Variants in KIF3A observed in about 807,000 individuals in gnomAD.
KIF3A encodes kinesin-like protein KIF3A.
A neutral mutation model predicts 92.6 loss-of-function variants in KIF3A; 27 were observed. The observed-to-expected ratio is 0.29, with a 90% CI of 0.21 to 0.40. KIF3A has a LOEUF of 0.40. KIF3A is among the 10% of genes least tolerant of loss of function. The pLI is 1.00. For missense variants in KIF3A, 581 were observed against 872.6 expected (o/e 0.67, Z 4.21); for synonymous variants, 250 against 275.4 (o/e 0.91, Z 0.92).
intron 15 of KIF3A, 103 bp from the exon 16 acceptor site, chr5:132,700,803 C>T (rs916576366): frequency 2.9e-6 from 2 of 690,500 alleles, no homozygotes; most frequent in Non-Finnish European, 2.5e-6. Context: ...ATAAAAGTCT[C>T]AAAACATTAT....
intron 8 of KIF3A, among the ~76,000 whole-genome samples, chr5:132,711,722 C>G (rs1161684264): frequency 6.6e-6 from 1 of 152,026 alleles, no homozygotes; most frequent in Non-Finnish European, 1.5e-5. Flanking sequence ...TCTTCTAAAA[C>G]AGCTTCCTGT....
chr5:132,689,461 A>G (rs1303893801), downstream of KIF3A: 1 of 152,226 alleles, frequency 6.6e-6, no homozygotes, highest in Non-Finnish European at 1.5e-5. Context: ...ATAAGACTAT[A>G]AGCAGGTCAT....
At chr5:132,706,319 T>TA in intron 11 of KIF3A, 132 bp downstream of exon 11, 1 of 537,626 alleles carries the variant, frequency 1.9e-6, no homozygotes, top group Non-Finnish European at 3.0e-6. Context: ...GAAAGATTGT[T>TA]AAAAATACAA....
chr5:132,709,194 T>C (rs1046917706), intron 9 of KIF3A, among the ~76,000 whole-genome samples: 7 of 152,220 alleles, frequency 4.6e-5, no homozygotes, highest in African/African-American at 1.4e-4. Flanking sequence ...AATTAGAAAG[T>C]GTACTGCTTT....
At chr5:132,721,016 A>C (rs1753805023) in intron 4 of KIF3A, among the ~76,000 whole-genome samples, 2 of 152,232 alleles carry the variant, frequency 1.3e-5, no homozygotes, top group Admixed American at 6.5e-5. Flanking sequence ...AAATTTCTTT[A>C]AATAAAAAGG....
At chr5:132,717,426 G>C (rs1406467090) in intron 5 of KIF3A, among the ~76,000 whole-genome samples, 3 of 152,032 alleles carry the variant, frequency 2.0e-5, no homozygotes, top group East Asian at 1.9e-4. Flanking sequence ...AGAGGTGGAG[G>C]TTGCAGTGAG....
At chr5:132,705,990 A>G (rs1475889151) in intron 11 of KIF3A, among the ~76,000 whole-genome samples, 1 of 152,126 alleles carries the variant, frequency 6.6e-6, no homozygotes, top group Non-Finnish European at 1.5e-5. Context: ...TTAATGCCAT[A>G]AACAGTATTT....
At chr5:132,710,880 G>A (rs1017852415) in intron 9 of KIF3A, 79 bp downstream of exon 9, 19 of 1,583,726 alleles carry the variant, frequency 1.2e-5, no homozygotes, top group South Asian at 4.6e-5. Context: ...AACAGATAAC[G>A]GCAAAATAAA....
chr5:132,691,757 C>T (rs999597521), downstream of KIF3A, among the ~76,000 whole-genome samples: 2 of 151,372 alleles, frequency 1.3e-5, no homozygotes, highest in Non-Finnish European at 2.9e-5. Context: ...ACAAAATTAG[C>T]CAGGCATGGT....
At position 132,708,753 on chromosome 5, in the gene KIF3A, G is replaced by C. The variant is rs531672251; in HGVS notation, c.1300+154C>G. Among the ~76,000 whole-genome samples the C allele has an allele frequency of 5.3e-5, 8 of 152,296 alleles. No individual in the cohort carries two copies. The East Asian group carries it at 1.3e-3, about 26-fold the overall frequency. ...TATGATTAACTGGAAGCAATGAAAG[G>C]GGGTGGAGGAATCATCACATGCTTT... On this transcript the variant is annotated intron_variant, in intron 10 of 18. Transcript: ENST00000403231.
chr5:132,734,535 G>A, intron 1 of KIF3A, 57 bp from the exon 2 acceptor site: 2 of 1,487,990 alleles, frequency 1.3e-6, no homozygotes, highest in Non-Finnish European at 1.8e-6. Flanking sequence ...ACCCTCATCA[G>A]ATTAAATTTA....
In KIF3A at chr5:132,717,055, A is replaced by T. The variant is rs1015863880; in HGVS notation, c.617-71T>A. The T allele has an allele frequency of 3.6e-6, 5 of 1,388,960 alleles. No homozygotes were observed. The African/African-American group carries it at 7.2e-5, about 20-fold the overall frequency. The allele number at this position is 1,388,960 out of a possible 1,614,324, so 86.0% of individuals were successfully genotyped here. ...CTTTAAAAATAATTAAACATCCTGA[A>T]CAGTTTAAAACACTTAATTTTATCA... On this transcript the variant is annotated intron_variant, in intron 5 of 18. Coordinates refer to ENST00000403231, the MANE Select transcript of KIF3A (RefSeq NM_001300791.2).
downstream of KIF3A, among the ~76,000 whole-genome samples, chr5:132,690,088 C>T (rs549206148): frequency 1.3e-3 from 192 of 152,240 alleles, 2 homozygotes; most frequent in African/African-American, 4.4e-3. Context: ...CATGGTGTTG[C>T]GTCTGTAGTA....
In KIF3A at chr5:132,734,198, C is replaced by G; in HGVS notation, c.280+7G>C. ...GGGAGTTTTTTAAAAAGTAAAGATT[C>G]ACTTACCATTGTAGCCTTCAAGTAC... On this transcript the variant is annotated splice_region_variant and intron_variant, in intron 2 of 18. Transcript: ENST00000403231. 2.5e-6 allele frequency: 4 copies of G among 1,599,066 alleles called. No individual in the cohort carries two copies. Among genetic ancestry groups the G allele is most frequent in the South Asian group, 1.1e-5 (1 of 88,600 alleles).
At chr5:132,705,416 C>T (rs1219339980) in intron 11 of KIF3A, among the ~76,000 whole-genome samples, 2 of 151,842 alleles carry the variant, frequency 1.3e-5, no homozygotes, top group African/African-American at 4.8e-5. Context: ...AACATATGAA[C>T]AGTAGTATGT....
downstream of KIF3A, among the ~76,000 whole-genome samples, chr5:132,692,073 G>C (rs1435418454): frequency 6.6e-6 from 1 of 152,072 alleles, no homozygotes; most frequent in Non-Finnish European, 1.5e-5. Context: ...ATACACCATG[G>C]AATATTATGC....
At position 132,726,392 on chromosome 5, in the gene KIF3A, G is replaced by C; in HGVS notation, c.387C>G (p.His129Gln). The C allele has an allele frequency of 1.9e-6, 3 of 1,613,670 alleles. No homozygotes were observed. In the South Asian group the frequency reaches 3.3e-5, roughly 18 times the overall value. Residue 129 changes from histidine to glutamine, a missense_variant, in exon 3 of 19, where the codon CAC (histidine) becomes CAG (glutamine). Transcript: ENST00000403231. ...CCGCTTTTGCAATATGACCAAATAT[G>C]TGAGCAAATGAATTGGGAATTATTC... ...LRGIIPNSFA[H>Q]IFGHIAKAEG... is the part of the protein sequence containing the mutation.
chr5:132,729,636 A>G (rs981755180), intron 2 of KIF3A, among the ~76,000 whole-genome samples: 6 of 152,362 alleles, frequency 3.9e-5, no homozygotes, highest in African/African-American at 1.2e-4. Context: ...ACTAAATAAC[A>G]CATTTCTAAA....
intron 9 of KIF3A, among the ~76,000 whole-genome samples, chr5:132,710,573 G>T (rs185958697): frequency 1.3e-5 from 2 of 152,088 alleles, no homozygotes; most frequent in African/African-American, 4.8e-5. Context: ...CCGAGATCGC[G>T]CCACTGCACT....
Sources: gnomAD v4.1 joint callset for allele counts (sites outside exome capture counted in the v4.1 genomes callset) on GRCh38, gnomAD v4.1.1 for gene constraint, MANE v1.5 for transcripts, NCBI Gene and HGNC (gene_info 2026-07-23, HGNC 2026-07-21) for gene names.